NRXN1: variants seen among roughly 807,000 people sequenced by gnomAD.
NRXN1 encodes the protein neurexin-1.
NRXN1 carries 39 observed loss-of-function variants against 150.9 expected under a neutral mutation model. The observed-to-expected ratio is 0.26, with a 90% confidence interval of 0.20 to 0.34. NRXN1 has a LOEUF of 0.34. Ranked by LOEUF, NRXN1 falls within the 10% of genes least tolerant of loss-of-function variation. The pLI is 1.00. For synonymous variants in NRXN1, 924 were observed against 757.0 expected (o/e 1.22, Z -3.62); for missense variants, 1,815 against 1,949.9 (o/e 0.93, Z 1.30).
intron 2 of NRXN1, among the ~76,000 whole-genome samples, chr2:50,930,189 C>T (rs1687529370): frequency 6.6e-6 from 1 of 152,050 alleles, no homozygotes; most frequent in Non-Finnish European, 1.5e-5. Flanking sequence ...TCAACTACAA[C>T]AACCAGTTTT....
chr2:50,927,380 T>C (rs1350229644), intron 2 of NRXN1, among the ~76,000 whole-genome samples: 1 of 152,006 alleles, frequency 6.6e-6, no homozygotes, highest in Admixed American at 6.6e-5. Flanking sequence ...TAATAACATC[T>C]TTACACAATA....
chr2:50,929,942 C>A (rs1687494839), intron 2 of NRXN1, among the ~76,000 whole-genome samples: 1 of 151,958 alleles, frequency 6.6e-6, no homozygotes, highest in African/African-American at 2.4e-5. Flanking sequence ...CAGCAGTCAG[C>A]TGAAGGAATA....
At chr2:50,166,956 G>A (rs2059725996) in intron 18 of NRXN1, among the ~76,000 whole-genome samples, 1 of 152,054 alleles carries the variant, frequency 6.6e-6, no homozygotes, top group African/African-American at 2.4e-5. Context: ...ATGGAGGCTC[G>A]GCACCAATAT....
intron 2 of NRXN1, among the ~76,000 whole-genome samples, chr2:50,998,707 A>C (rs947484876): frequency 2.0e-5 from 3 of 152,084 alleles, no homozygotes; most frequent in Admixed American, 1.3e-4. Context: ...GGTATTGATG[A>C]CAGAAACATT....
chr2:50,209,694 C>T (rs1158581746), intron 18 of NRXN1, among the ~76,000 whole-genome samples: 1 of 151,962 alleles, frequency 6.6e-6, no homozygotes, highest in African/African-American at 2.4e-5. Context: ...GTAAATAAGA[C>T]ATGTTTCAAT....
chr2:50,832,123 C>T (rs1345407885), intron 5 of NRXN1, among the ~76,000 whole-genome samples: 1 of 152,114 alleles, frequency 6.6e-6, no homozygotes, highest in South Asian at 2.1e-4. Context: ...TCAATGCCAG[C>T]AGACCAGTCA....
At chr2:50,617,499 C>T (rs1355394038) in intron 8 of NRXN1, among the ~76,000 whole-genome samples, 2 of 151,554 alleles carry the variant, frequency 1.3e-5, no homozygotes, top group African/African-American at 2.4e-5. Context: ...TGCTGATATC[C>T]TTCCAAACTC....
chr2:50,946,677 A>G (rs1396561660), intron 2 of NRXN1, among the ~76,000 whole-genome samples: 1 of 152,186 alleles, frequency 6.6e-6, no homozygotes, highest in Non-Finnish European at 1.5e-5. Context: ...CCAAATTTAT[A>G]AAATTATTTA....
intron 2 of NRXN1, among the ~76,000 whole-genome samples, chr2:50,958,703 G>C (rs1692662148): frequency 6.6e-6 from 1 of 151,882 alleles, no homozygotes; most frequent in African/African-American, 2.4e-5. Context: ...CCTTACCTAA[G>C]TGCCCTGGCT....
chr2:50,422,178 C>A (rs891507530), intron 17 of NRXN1, among the ~76,000 whole-genome samples: 1 of 152,182 alleles, frequency 6.6e-6, no homozygotes, highest in Non-Finnish European at 1.5e-5. Flanking sequence ...TTAGTCATAT[C>A]CAACTTTTTA....
rs550156336 is a variant in NRXN1 at position 50,771,290 on chromosome 2, C to T, written c.833-147675G>A. Among the ~76,000 whole-genome samples, 39 of 152,064 alleles carry T rather than the reference C, an allele frequency of 2.6e-4. No homozygotes were observed. In the South Asian group the frequency reaches 7.9e-3, roughly 31 times the overall value. On this transcript the variant is annotated intron_variant, in intron 5 of 22. Transcript: ENST00000401669. ...TACCGTCAGGATTATTCTCCCAAAACGCAAAATCATAACACTATTCAACTG... is the reference window on the plus strand; with the variant it reads ...TACCGTCAGGATTATTCTCCCAAAATGCAAAATCATAACACTATTCAACTG...
chr2:50,201,022 G>C (rs771339232), intron 18 of NRXN1, among the ~76,000 whole-genome samples: 12 of 151,774 alleles, frequency 7.9e-5, no homozygotes, highest in Admixed American at 2.6e-4. Flanking sequence ...TTTTACTTCT[G>C]TTGCCCACTG....
At chr2:50,785,138 T>A (rs1368940729) in intron 5 of NRXN1, among the ~76,000 whole-genome samples, 1 of 151,240 alleles carries the variant, frequency 6.6e-6, no homozygotes, top group African/African-American at 2.4e-5. Context: ...GAGGACACAG[T>A]GAGAAGGTGG....
At position 49,954,086 on chromosome 2, in the gene NRXN1, C is replaced by T. The variant is rs762315857; in HGVS notation, c.4129-10295G>A. 1.2e-4 allele frequency among the ~76,000 whole-genome samples: 18 copies of T among 151,978 alleles called. 1 individual carries two copies. The highest frequency in any genetic ancestry group is 7.4e-5 in the Non-Finnish European group (5 of 68,008). ...CACATGATGCTACAAAGGAGAGCTC[C>T]GGATAGTGCTTGAAGAGGACAACCC... On this transcript the variant is annotated intron_variant, in intron 21 of 22. Transcript: ENST00000401669.
Position 50,952,092 on chromosome 2 carries a change from A to C in NRXN1, c.773-26137T>G, listed in dbSNP as rs948895916. ...TGCCATTCTCCTGCCTCAGCCTCCC[A>C]AGTAGCTGGGACTATAGGCGCCTGC... On this transcript the variant is annotated intron_variant, in intron 2 of 22. Coordinates refer to ENST00000401669, the MANE Select transcript of NRXN1 (RefSeq NM_001330078.2). 4.1e-5 allele frequency among the ~76,000 whole-genome samples: 6 copies of C among 147,996 alleles called. No individual in the cohort carries two copies. In the South Asian group the frequency reaches 1.3e-3, roughly 31 times the overall value.
intron 12 of NRXN1, among the ~76,000 whole-genome samples, chr2:50,512,742 T>C (rs1327459980): frequency 6.6e-6 from 1 of 152,172 alleles, no homozygotes; most frequent in Non-Finnish European, 1.5e-5. Flanking sequence ...TGCATATCAT[T>C]CCTTTCCCTA....
rs956720821 is a variant in NRXN1 at position 49,918,645 on chromosome 2, C to G, written c.*3299G>C. The stretch of plus-strand genomic sequence containing the variant: ...TATGAGTTTATGGTTTCTGGCATAT[C>G]AAGATGAACAAATATAACAAAAGTA... On this transcript the variant is annotated 3_prime_UTR_variant, in exon 23 of 23. Transcript: ENST00000401669. The G allele has an allele frequency of 6.6e-6, 1 of 151,998 alleles. No homozygotes were observed. Among genetic ancestry groups the G allele is most frequent in the Admixed American group, 6.6e-5 (1 of 15,246 alleles). 9.4% of individuals were successfully genotyped at this position (151,998 alleles called of 1,614,324 possible). A position where few individuals can be genotyped will look rare whatever the true frequency, so the allele number is the denominator to read the frequency against.
At chr2:50,704,523 T>A (rs1694176361) in intron 5 of NRXN1, among the ~76,000 whole-genome samples, 1 of 151,848 alleles carries the variant, frequency 6.6e-6, no homozygotes, top group Non-Finnish European at 1.5e-5. Flanking sequence ...AAAATTGAAT[T>A]GATAAATAAT....
At chr2:50,873,724 G>A (rs1459848353) in intron 5 of NRXN1, among the ~76,000 whole-genome samples, 1 of 151,818 alleles carries the variant, frequency 6.6e-6, no homozygotes, top group African/African-American at 2.4e-5. Context: ...GCACCTGTTA[G>A]ATCATTATTA....
Sources: gnomAD v4.1 joint callset for allele counts (sites outside exome capture counted in the v4.1 genomes callset) on GRCh38, gnomAD v4.1.1 for gene constraint, MANE v1.5 for transcripts, NCBI Gene and HGNC (gene_info 2026-07-23, HGNC 2026-07-21) for gene names.